Variants in ERVW-1 observed in about 807,000 individuals in gnomAD.
ERVW-1 encodes endogenous retrovirus group W member 1, envelope.
ERVW-1 carries 21 observed loss-of-function variants against 16.6 expected under a neutral mutation model. The observed-to-expected ratio is 1.26, with a 90% CI of 0.90 to 1.82. The LOEUF is 1.82. Among genes scored for constraint, ERVW-1 ranks in the 40% most tolerant of loss-of-function variants. ERVW-1 has a pLI of 0.00. For synonymous variants in ERVW-1, 161 were observed against 109.8 expected (o/e 1.47, Z -2.92); for missense variants, 412 against 300.2 (o/e 1.37, Z -2.75).
Position 92,469,367 on chromosome 7 carries a change from C to T in ERVW-1, c.1015G>A (p.Gly339Ser), listed in dbSNP as rs1471371734. The T allele has an allele frequency of 1.4e-5, 11 of 767,236 alleles. No homozygotes were observed. Among genetic ancestry groups the T allele is most frequent in the South Asian group, 2.7e-5 (2 of 74,518 alleles). The allele number at this position is 767,236 out of a possible 1,614,324, so 47.5% of individuals were successfully genotyped here. Residue 339 changes from glycine to serine, a missense_variant, in exon 2 of 2, where the codon GGT becomes AGT. Physicochemically the swap from Gly to Ser is moderately conservative, Grantham distance 56 (BLOSUM62 0). Transcript: ENST00000603053. The part of the protein sequence containing the change: ...VLGALGTGIG[G>S]ITTSTQFYYK... ...TAGAACTGAGTAGAGGTTGTGATAC[C>T]GCCAATGCCAGTACCTAGTGCACCT... is the stretch of plus-strand genomic sequence containing the variant.
At chr7:92,472,728 A>T (rs1790395383) in intron 1 of ERVW-1, 1 of 152,158 alleles carries the variant, frequency 6.6e-6, no homozygotes, top group Admixed American at 6.5e-5. Context: ...TAGTTGCTTT[A>T]GGGTTTTGGG....
Position 92,470,497 on chromosome 7 carries a change from G to A in ERVW-1, c.-116C>T. 2 of 596,418 alleles carry A rather than the reference G, an allele frequency of 3.4e-6. No individual in the cohort carries two copies. The highest frequency in any genetic ancestry group is 4.3e-5 in the South Asian group (2 of 46,190). 36.9% of individuals were successfully genotyped at this position (596,418 alleles called of 1,614,324 possible). A position where few individuals can be genotyped will look rare whatever the true frequency, so the allele number is the denominator to read the frequency against. Reference sequence around the variant, plus strand: ...GTCTCCTGGATTTTCAGGTTCCTTTGGCAGTATCCAGGATTTGACTCAAGT... The same window carrying A: ...GTCTCCTGGATTTTCAGGTTCCTTTAGCAGTATCCAGGATTTGACTCAAGT... On this transcript the variant is annotated 5_prime_UTR_variant, in exon 2 of 2. Transcript: ENST00000603053.
rs748484292 is a variant in ERVW-1 at position 92,470,092 on chromosome 7, G to A, written c.290C>T (p.Pro97Leu). Residue 97 changes from proline (P) to leucine (L), a missense_variant, in exon 2 of 2, where the codon CCT becomes CTT. Physicochemically the swap from Pro to Leu is moderately conservative, Grantham distance 98. Coordinates refer to ENST00000603053, the MANE Select transcript of ERVW-1 (RefSeq NM_001130925.2). ...WTGKMINPSC[P>L]GGLGVTVCWT... ...ACAGACAGTGACTCCAAGTCCTCCAGGACAACTAGGATTAATCATTTTTCC... is the reference window on the plus strand; with the variant it reads ...ACAGACAGTGACTCCAAGTCCTCCAAGACAACTAGGATTAATCATTTTTCC... The A allele has an allele frequency of 3.9e-6, 3 of 778,772 alleles. No individual in the cohort carries two copies. Among genetic ancestry groups the A allele is most frequent in the Non-Finnish European group, 7.2e-6 (3 of 417,948 alleles). 48.2% of individuals were successfully genotyped at this position (778,772 alleles called of 1,614,324 possible). A position where few individuals can be genotyped will look rare whatever the true frequency, so the allele number is the denominator to read the frequency against.
In ERVW-1 at chr7:92,470,194, G is replaced by T. The variant is rs370133212; in HGVS notation, c.188C>A (p.Thr63Asn). The change falls in exon 2 of 2, where the codon ACT becomes AAT. Residue 63 changes from threonine (T) to asparagine (N), a missense_variant. Thr to Asn is a moderately conservative substitution (Grantham distance 65). Coordinates refer to ENST00000603053, the MANE Select transcript of ERVW-1 (RefSeq NM_001130925.2). ...RSLSKGTPTFTAHTHMPRNCY... is the reference protein window; with the variant it reads ...RSLSKGTPTFNAHTHMPRNCY... ...GTTGCGGGGCATATGGGTGTGGGCA[G>T]TGAAGGTGGGGGTTCCCTTAGAAAG... 12 of 778,558 alleles carry T rather than the reference G, an allele frequency of 1.5e-5. No homozygotes were observed. Among genetic ancestry groups the T allele is most frequent in the Non-Finnish European group, 2.9e-5 (12 of 417,826 alleles). 48.2% of individuals were successfully genotyped at this position (778,558 alleles called of 1,614,324 possible). A position where few individuals can be genotyped will look rare whatever the true frequency, so the allele number is the denominator to read the frequency against.
rs1302461443 is a variant in ERVW-1 at position 92,470,127 on chromosome 7, A to G, written c.255T>C (p.His85=). 1.3e-6 allele frequency: 1 copy of G among 778,830 alleles called. No homozygotes were observed. The highest frequency in any genetic ancestry group is 2.4e-6 in the Non-Finnish European group (1 of 417,934). 48.2% of individuals were successfully genotyped at this position (778,830 alleles called of 1,614,324 possible). ...GATTAATCATTTTTCCTGTCCAATA[A>G]TGAGTATTTGCATGCATGCAAAGAG... The part of the protein sequence containing the change: ...SATLCMHANT[H]YWTGKMINPS... Residue 85 remains histidine, a synonymous_variant, in exon 2 of 2, where the codon CAT becomes CAC. Coordinates refer to ENST00000603053, the MANE Select transcript of ERVW-1 (RefSeq NM_001130925.2).
chr7:92,470,863 T>C (rs1291349409), intron 1 of ERVW-1: 1 of 168,084 alleles, frequency 5.9e-6, no homozygotes, highest in Admixed American at 6.5e-5. Flanking sequence ...CAGATTCTTT[T>C]TAAGGCTATA....
At chr7:92,473,961 T>G (rs1790443337) in intron 1 of ERVW-1, among the ~76,000 whole-genome samples, 1 of 152,098 alleles carries the variant, frequency 6.6e-6, no homozygotes, top group Admixed American at 6.6e-5. Context: ...GGCCTTCCAG[T>G]GATTCCCTTG....
rs1790420107 is a variant in ERVW-1, at chr7:92,473,361, A to G, written c.-227-2753T>C. Among the ~76,000 whole-genome samples, 3 of 152,156 alleles carry G rather than the reference A, an allele frequency of 2.0e-5. No individual in the cohort carries two copies. In the South Asian group the frequency reaches 6.2e-4, roughly 32 times the overall value. On this transcript the variant is annotated intron_variant, in intron 1 of 1. Transcript: ENST00000603053. ...TAGGCCTTGGGCTTTTAGGTCCTTA[A>G]CAATCTTTTGGAGTCCTTGTTGGGC...
Position 92,470,055 on chromosome 7 carries a change from G to C in ERVW-1, c.327C>G (p.Phe109Leu), listed in dbSNP as rs768944013. The change falls in exon 2 of 2, where the codon TTC becomes TTG. Residue 109 changes from phenylalanine (F) to leucine (L), a missense_variant. Physicochemically the swap from Phe to Leu is conservative, Grantham distance 22. Coordinates refer to ENST00000603053, the MANE Select transcript of ERVW-1 (RefSeq NM_001130925.2). Reference sequence around the variant, plus strand: ...CCCCATCAGACATACCAGTTTGGGTGAAGTAAGTCCAACAGACAGTGACTC... The same window carrying C: ...CCCCATCAGACATACCAGTTTGGGTCAAGTAAGTCCAACAGACAGTGACTC... ...GLGVTVCWTY[F>L]TQTGMSDGGG... The C allele has an allele frequency of 5.1e-6, 4 of 778,168 alleles. No homozygotes were observed. The highest frequency in any genetic ancestry group is 7.2e-6 in the Non-Finnish European group (3 of 417,850). 48.2% of individuals were successfully genotyped at this position (778,168 alleles called of 1,614,324 possible).
Position 92,468,829 on chromosome 7 carries a change from G to A in ERVW-1, c.1553C>T (p.Thr518Ile). ...PRSDVNDIKG[T>I]PPEEISAAQP... ...TGCAGCTGAGATTTCCTCAGGAGGG[G>A]TGCCTTTGATGTCATTAACATCAGA... is the stretch of plus-strand genomic sequence containing the variant. The change falls in exon 2 of 2, where the codon ACC becomes ATC. Residue 518 changes from threonine (T) to isoleucine (I), a missense_variant. Transcript: ENST00000603053. The A allele has an allele frequency of 1.3e-6, 1 of 764,168 alleles. No individual in the cohort carries two copies. 47.3% of individuals were successfully genotyped at this position (764,168 alleles called of 1,614,324 possible).
intron 1 of ERVW-1, among the ~76,000 whole-genome samples, chr7:92,477,061 C>T (rs1219656511): frequency 2.6e-5 from 4 of 152,148 alleles, no homozygotes; most frequent in East Asian, 1.9e-4. Flanking sequence ...CATGCATGGG[C>T]GACTGTTGAG....
At position 92,469,501 on chromosome 7, in the gene ERVW-1, A is replaced by C. The variant is rs779121538; in HGVS notation, c.881T>G (p.Val294Gly). 1.3e-6 allele frequency: 1 copy of C among 768,958 alleles called. No homozygotes were observed. The highest frequency in any genetic ancestry group is 2.4e-6 in the Non-Finnish European group (1 of 415,556). 47.6% of individuals were successfully genotyped at this position (768,958 alleles called of 1,614,324 possible). The change falls in exon 2 of 2, where the codon GTG becomes GGG. Residue 294 changes from valine (V) to glycine (G), a missense_variant. By Grantham distance (109) the Val-to-Gly change is moderately radical. Transcript: ENST00000603053. ...SESMCFLSFL[V>G]PPMTIYTEQD... ...TTCAGTGTAGATGGTCATAGGGGGCACTAAGAATGAGAGGAAGCACATAGA... is the reference window on the plus strand; with the variant it reads ...TTCAGTGTAGATGGTCATAGGGGGCCCTAAGAATGAGAGGAAGCACATAGA...
Position 92,469,536 on chromosome 7 carries a change from G to T in ERVW-1, c.846C>A (p.Gly282=). 1.3e-6 allele frequency: 1 copy of T among 767,078 alleles called. No individual in the cohort carries two copies. The allele number at this position is 767,078 out of a possible 1,614,324, so 47.5% of individuals were successfully genotyped here. A position where few individuals can be genotyped will look rare whatever the true frequency, so the allele number is the denominator to read the frequency against. ...AGAGGAAGCACATAGATTCTGAAGA[G>T]CCATTCAAACAACGATAGGCTGAGG... ...CGTSAYRCLN[G]SSESMCFLSF... is the part of the protein sequence containing the mutation. The change falls in exon 2 of 2, where the codon GGC becomes GGA. Residue 282 remains glycine (G), a synonymous_variant. Transcript: ENST00000603053.
rs370294334 is a variant in ERVW-1 at position 92,470,049 on chromosome 7, T to C, written c.333A>G (p.Gln111=). 71 of 778,026 alleles carry C rather than the reference T, an allele frequency of 9.1e-5. No individual in the cohort carries two copies. Among genetic ancestry groups the C allele is most frequent in the Non-Finnish European group, 1.6e-4 (66 of 417,820 alleles). The allele number at this position is 778,026 out of a possible 1,614,324, so 48.2% of individuals were successfully genotyped here. A position where few individuals can be genotyped will look rare whatever the true frequency, so the allele number is the denominator to read the frequency against. ...GVTVCWTYFT[Q]TGMSDGGGVQ... is the part of the protein sequence containing the mutation. ...CTCCACCCCCATCAGACATACCAGT[T>C]TGGGTGAAGTAAGTCCAACAGACAG... Residue 111 remains glutamine, a synonymous_variant, in exon 2 of 2, where the codon CAA becomes CAG. Transcript: ENST00000603053.
rs571863868 is a variant in ERVW-1 at position 92,473,874 on chromosome 7, A to G, written c.-227-3266T>C. On this transcript the variant is annotated intron_variant, in intron 1 of 1. Transcript: ENST00000603053. ...GATGGCATGGGATGGCGCTTGCCCC[A>G]GGCACCCTCAGTCCTGCTGCTGGAT... is the stretch of plus-strand genomic sequence containing the variant. 3.9e-4 allele frequency among the ~76,000 whole-genome samples: 59 copies of G among 152,182 alleles called. 2 individuals are homozygous for G. The highest frequency in any genetic ancestry group is 2.9e-3 in the East Asian group (15 of 5,172).
At chr7:92,476,640 T>C (rs1465475211) in intron 1 of ERVW-1, among the ~76,000 whole-genome samples, 1 of 152,096 alleles carries the variant, frequency 6.6e-6, no homozygotes, top group Non-Finnish European at 1.5e-5. Flanking sequence ...TCTGTCTCTC[T>C]CACTGTCTCT....
rs1790212995 is a variant in ERVW-1 at position 92,469,159 on chromosome 7, ACAT to A, written c.1220_1222del (p.Tyr407_Val408delinsPhe). Reference sequence around the variant, plus strand: ...CTCAGTGACGATTCCGGATTGATTAACATAATAACAGCATTCTTCCCCTAAAAA... The same window carrying A: ...CTCAGTGACGATTCCGGATTGATTAAAATAACAGCATTCTTCCCCTAAAAA... On this transcript the variant is annotated inframe_deletion, in exon 2 of 2. Transcript: ENST00000603053. 1.4e-6 allele frequency: 1 copy of A among 707,352 alleles called. No homozygotes were observed. Among genetic ancestry groups the A allele is most frequent in the African/African-American group, 1.7e-5 (1 of 57,358 alleles). 43.8% of individuals were successfully genotyped at this position (707,352 alleles called of 1,614,324 possible). A position where few individuals can be genotyped will look rare whatever the true frequency, so the allele number is the denominator to read the frequency against.
chr7:92,472,115 T>G (rs1790374336), intron 1 of ERVW-1: 1 of 152,236 alleles, frequency 6.6e-6, no homozygotes, highest in Non-Finnish European at 1.5e-5. Flanking sequence ...TGGCATAGGT[T>G]TGAGAAATTA....
rs759544433 is a variant in ERVW-1 at position 92,469,481 on chromosome 7, T to C, written c.901A>G (p.Thr301Ala). The change falls in exon 2 of 2, where the codon ACT becomes GCT. Residue 301 changes from threonine to alanine, a missense_variant. Coordinates refer to ENST00000603053, the MANE Select transcript of ERVW-1 (RefSeq NM_001130925.2). The part of the protein sequence containing the change: ...SFLVPPMTIY[T>A]EQDLYSYVIS... ...ACATAACTGTATAAATCTTGTTCAG[T>C]GTAGATGGTCATAGGGGGCACTAAG... is the stretch of plus-strand genomic sequence containing the variant. The C allele has an allele frequency of 5.2e-6, 4 of 768,812 alleles. No individual in the cohort carries two copies. The highest frequency in any genetic ancestry group is 1.7e-5 in the Admixed American group (1 of 58,548). The allele number at this position is 768,812 out of a possible 1,614,324, so 47.6% of individuals were successfully genotyped here.
Sources: gnomAD v4.1 joint callset for allele counts (sites outside exome capture counted in the v4.1 genomes callset) on GRCh38, gnomAD v4.1.1 for gene constraint, MANE v1.5 for transcripts, NCBI Gene and HGNC (gene_info 2026-07-23, HGNC 2026-07-21) for gene names.